Variants in FLT1 observed in about 807,000 individuals in gnomAD.
FLT1 encodes the protein vascular endothelial growth factor receptor 1.
Under a neutral mutation model 156.3 loss-of-function variants are expected in FLT1, and 49 were observed. That is an observed-to-expected ratio of 0.31 (90% CI 0.25 to 0.40). The LOEUF (loss-of-function observed/expected upper bound fraction) is 0.40, where lower values mean the gene tolerates loss of function less well. Ranked by LOEUF, FLT1 falls within the 10% of genes least tolerant of loss-of-function variation. FLT1 has a pLI of 1.00. For missense variants in FLT1, 1,322 were observed against 1,637.2 expected, an observed-to-expected ratio of 0.81 and a Z score of 3.32; for synonymous variants, 594 against 583.8, an observed-to-expected ratio of 1.02 and a Z score of -0.25.
At chr13:28,409,063 A>G (rs1875983922) in intron 10 of FLT1, among the ~76,000 whole-genome samples, 1 of 152,228 alleles carries the variant, frequency 6.6e-6, no homozygotes, top group South Asian at 2.1e-4. Context: ...GTGATATGTC[A>G]GCCTTCTACA....
chr13:28,309,101 G>C (rs1056948847), intron 27 of FLT1, among the ~76,000 whole-genome samples, 174 bp from the exon 28 acceptor site: 8 of 152,272 alleles, frequency 5.3e-5, no homozygotes, highest in African/African-American at 1.9e-4. Context: ...TGACAGCATT[G>C]CCACTGCCTC....
At chr13:28,392,156 G>T (rs1874771268) in intron 12 of FLT1, among the ~76,000 whole-genome samples, 1 of 152,186 alleles carries the variant, frequency 6.6e-6, no homozygotes, top group African/African-American at 2.4e-5. Context: ...TGTCACGTCT[G>T]AAGAAATGCC....
chr13:28,341,008 A>G (rs566330123), intron 16 of FLT1, among the ~76,000 whole-genome samples: 7 of 152,268 alleles, frequency 4.6e-5, no homozygotes, highest in African/African-American at 1.7e-4. Flanking sequence ...TAAACTTTTC[A>G]ATGTCCTGTA....
rs56405013 is a variant in FLT1, at chr13:28,433,852, C to T, written c.780G>A (p.Thr260=). 6.9e-3 allele frequency: 11,172 copies of T among 1,613,120 alleles called. 80 individuals carry two copies. Among genetic ancestry groups the T allele is most frequent in the South Asian group, 0.021 (1,916 of 91,048 alleles). Residue 260 remains threonine (T), a synonymous_variant, in exon 6 of 30, where the codon ACG becomes ACA. Coordinates refer to ENST00000282397, the MANE Select transcript of FLT1 (RefSeq NM_002019.4). ...LNCTATTPLN[T]RVQMTWSYPD... ...GGTAACTCCAGGTCATTTGAACTCT[C>T]GTGTTCAAGGGAGTGGTAGCAGTAC... is the stretch of plus-strand genomic sequence containing the variant.
At chr13:28,320,830 C>T (rs542250544) in intron 23 of FLT1, among the ~76,000 whole-genome samples, 25 of 151,966 alleles carry the variant, frequency 1.6e-4, no homozygotes, top group Non-Finnish European at 2.9e-4. Context: ...AACTCATTGG[C>T]GCCCAGACAT....
intron 23 of FLT1, 24 bp from the exon 24 acceptor site, chr13:28,319,558 G>A (rs1276289305): frequency 7.1e-7 from 1 of 1,406,500 alleles, no homozygotes; most frequent in Non-Finnish European, 1.0e-6. Flanking sequence ...AGGGGGCCTT[G>A]AGCAGAAGGG....
chr13:28,493,161 G>A (rs912828931), intron 1 of FLT1, among the ~76,000 whole-genome samples: 12 of 152,010 alleles, frequency 7.9e-5, no homozygotes, highest in Non-Finnish European at 1.0e-4. Flanking sequence ...AATAAATCAC[G>A]TACTTTTCCC....
In FLT1 at chr13:28,306,772, C is replaced by T; in HGVS notation, c.3721G>A (p.Asp1241Asn). 6.2e-7 allele frequency: 1 copy of T among 1,606,448 alleles called. No individual in the cohort carries two copies. The highest frequency in any genetic ancestry group is 8.5e-7 in the Non-Finnish European group (1 of 1,173,204). ...LLPNATSMFD[D>N]YQGDSSTLLA... ...AGAGTGCTGCTGTCGCCCTGGTAGT[C>T]CTAGGGGGAGAAGGAGAAAGGTTAT... Residue 1241 changes from aspartate (D) to asparagine (N), a missense_variant and splice_region_variant, in exon 29 of 30, where the codon GAC becomes AAC. By Grantham distance (23) the Asp-to-Asn change is conservative. Transcript: ENST00000282397.
chr13:28,450,986 G>A (rs6490305), intron 3 of FLT1, among the ~76,000 whole-genome samples: 5,915 of 152,258 alleles, frequency 0.039, 343 homozygotes, highest in African/African-American at 0.13. Flanking sequence ...GTAGCATGGG[G>A]CCTTCTGACG....
At chr13:28,429,878 TC>T (rs869286344) in intron 8 of FLT1, among the ~76,000 whole-genome samples, 171 bp downstream of exon 8, 1 of 152,144 alleles carries the variant, frequency 6.6e-6, no homozygotes, top group Non-Finnish European at 1.5e-5. Flanking sequence ...TATTTCCTTT[TC>T]CCCAGCCCTT....
intron 1 of FLT1, among the ~76,000 whole-genome samples, chr13:28,477,638 T>C (rs535032468): frequency 6.6e-6 from 1 of 152,304 alleles, no homozygotes; most frequent in East Asian, 1.9e-4. Flanking sequence ...TAAAAATGCA[T>C]ACAGGAACGT....
Position 28,303,247 on chromosome 13 carries a change from C to T in FLT1, c.3937G>A (p.Glu1313Lys), listed in dbSNP as rs768225561. The T allele has an allele frequency of 6.2e-7, 1 of 1,613,882 alleles. No homozygotes were observed. The highest frequency in any genetic ancestry group is 8.5e-7 in the Non-Finnish European group (1 of 1,180,004). Reference protein sequence around the residue: ...GKRRFTYDHAELERKIACCSP... With the variant: ...GKRRFTYDHAKLERKIACCSP... Reference sequence around the variant, plus strand: ...CAGCACGCGATTTTCCTTTCCAGCTCAGCGTGGTCGTAGGTGAACCTGCGC... The same window carrying T: ...CAGCACGCGATTTTCCTTTCCAGCTTAGCGTGGTCGTAGGTGAACCTGCGC... Residue 1313 changes from glutamate to lysine, a missense_variant, in exon 30 of 30, where the codon GAG becomes AAG. Transcript: ENST00000282397.
chr13:28,442,023 T>A (rs907530712), intron 3 of FLT1, among the ~76,000 whole-genome samples: 42 of 152,216 alleles, frequency 2.8e-4, no homozygotes, highest in African/African-American at 9.9e-4. Flanking sequence ...AGACATTAAC[T>A]GTCACAGTTA....
chr13:28,418,711 A>G lies in FLT1; in HGVS notation c.1436+8448T>C, dbSNP rs572421417. 3.3e-5 allele frequency among the ~76,000 whole-genome samples: 5 copies of G among 152,136 alleles called. No homozygotes were observed. The South Asian group carries it at 6.2e-4, about 19-fold the overall frequency. On this transcript the variant is annotated intron_variant, in intron 10 of 29. Coordinates refer to ENST00000282397, the MANE Select transcript of FLT1 (RefSeq NM_002019.4). ...CCTGAGTAGCTGGAACCATAGGCGC[A>G]TGTCACCATGCCCAGCTAATTTTTT...
chr13:28,427,901 G>T lies in FLT1; in HGVS notation c.1127C>A (p.Ala376Glu), dbSNP rs757020625. 7 of 1,613,806 alleles carry T rather than the reference G, an allele frequency of 4.3e-6. No homozygotes were observed. The South Asian group carries it at 7.7e-5, about 18-fold the overall frequency. The part of the protein sequence containing the change: ...EVVWLKDGLP[A>E]TEKSARYLTR... ...CAAATAGCGAGCAGATTTCTCAGTC[G>T]CAGGTAACCCATCTTTTAACCTGTG... Residue 376 changes from alanine to glutamate, a missense_variant, in exon 9 of 30, where the codon GCG (alanine) becomes GAG (glutamate). This residue lies in a region of FLT1 where 991 missense variants were observed against 1,254.8 expected (regional missense o/e 0.79). Coordinates refer to ENST00000282397, the MANE Select transcript of FLT1 (RefSeq NM_002019.4).
At chr13:28,321,655 T>C (rs1871466608) in intron 22 of FLT1, 70 bp from the exon 23 acceptor site, 1 of 1,486,348 alleles carries the variant, frequency 6.7e-7, no homozygotes, top group Admixed American at 1.7e-5. Context: ...CACCTGTCAG[T>C]GTCATTATCT....
intron 15 of FLT1, among the ~76,000 whole-genome samples, chr13:28,347,940 A>C (rs1455225950): frequency 1.3e-5 from 2 of 152,216 alleles, no homozygotes; most frequent in East Asian, 3.9e-4. Flanking sequence ...GCACATGCTT[A>C]ACCACGAAGC....
At position 28,303,331 on chromosome 13, in the gene FLT1, A is replaced by G; in HGVS notation, c.3853T>C (p.Ser1285Pro). ...VTSKSKESGL[S>P]DVSRPSFCHS... The stretch of plus-strand genomic sequence containing the variant: ...CAGAAACTGGGCCTGCTGACATCAG[A>G]CAGCCCCGACTCCTTACTTTTACTG... Residue 1285 changes from serine (S) to proline (P), a missense_variant, in exon 30 of 30, where the codon TCT (serine) becomes CCT (proline). Transcript: ENST00000282397. The G allele has an allele frequency of 1.2e-6, 2 of 1,614,148 alleles. No homozygotes were observed. The highest frequency in any genetic ancestry group is 1.7e-6 in the Non-Finnish European group (2 of 1,180,020).
At position 28,434,187 on chromosome 13, in the gene FLT1, G is replaced by A. The variant is rs770377283; in HGVS notation, c.547C>T (p.Arg183Cys). 39 of 1,613,912 alleles carry A rather than the reference G, an allele frequency of 2.4e-5. No homozygotes were observed. In the East Asian group the frequency reaches 4.9e-4, roughly 20 times the overall value. ...PLDTLIPDGK[R>C]IIWDSRKGFI... ...CCCTTTCTACTGTCCCAGATTATGCGTTTTCCATCAGGGATCAAAGTGTCA... is the reference window on the plus strand; with the variant it reads ...CCCTTTCTACTGTCCCAGATTATGCATTTTCCATCAGGGATCAAAGTGTCA... The change falls in exon 5 of 30, where the codon CGC (arginine) becomes TGC (cysteine). Residue 183 changes from arginine (R) to cysteine (C), a missense_variant. Transcript: ENST00000282397.
Sources: gnomAD v4.1 joint callset for allele counts (sites outside exome capture counted in the v4.1 genomes callset) on GRCh38, gnomAD v4.1.1 for gene constraint, gnomAD v4.1.1 regional missense constraint, MANE v1.5 for transcripts, NCBI Gene and HGNC (gene_info 2026-07-23, HGNC 2026-07-21) for gene names.